Variants in FGGY observed in about 807,000 individuals in gnomAD.
The protein encoded by FGGY is FGGY carbohydrate kinase domain-containing protein.
A neutral mutation model predicts 71.3 loss-of-function variants in FGGY; 72 were observed. That is an observed-to-expected ratio of 1.01 (90% CI 0.84 to 1.23). FGGY has a LOEUF of 1.23. Among genes scored for constraint, FGGY ranks in the 50% most tolerant of loss-of-function variants. The pLI is 0.00. For synonymous variants in FGGY, 251 were observed against 250.3 expected, an observed-to-expected ratio of 1.00 and a Z score of -0.02; for missense variants, 668 against 682.3, an observed-to-expected ratio of 0.98 and a Z score of 0.23.
In FGGY at chr1:59,737,843, G is replaced by A. The variant is rs549396807; in HGVS notation, c.1513-20088G>A. 3.5e-4 allele frequency among the ~76,000 whole-genome samples: 53 copies of A among 152,312 alleles called. 2 individuals are homozygous for A. In the South Asian group the frequency reaches 0.01, roughly 30 times the overall value. On this transcript the variant is annotated intron_variant, in intron 14 of 15. Transcript: ENST00000303721. ...TTGAAATGTGAGGACATGTGATTTGGGAGGGGCCAGGGGCAGAATGATATG... is the reference window on the plus strand; with the variant it reads ...TTGAAATGTGAGGACATGTGATTTGAGAGGGGCCAGGGGCAGAATGATATG...
chr1:59,613,295 G>C (rs142408734), intron 9 of FGGY, among the ~76,000 whole-genome samples: 2 of 152,174 alleles, frequency 1.3e-5, no homozygotes, highest in African/African-American at 4.8e-5. Context: ...ATAACAAACT[G>C]TCTCTCAGAC....
intron 5 of FGGY, among the ~76,000 whole-genome samples, chr1:59,388,545 C>T (rs976693341): frequency 3.3e-5 from 5 of 152,206 alleles, no homozygotes; most frequent in East Asian, 3.9e-4. Context: ...CACCTTAATA[C>T]GTGCCTGCCT....
At chr1:59,657,856 A>C (rs1401769993) in intron 11 of FGGY, among the ~76,000 whole-genome samples, 2 of 152,204 alleles carry the variant, frequency 1.3e-5, no homozygotes, top group African/African-American at 4.8e-5. Context: ...AGGTGGCAAC[A>C]TGGAGCAAGT....
At chr1:59,725,079 T>C (rs1022397108) in intron 14 of FGGY, among the ~76,000 whole-genome samples, 1 of 152,214 alleles carries the variant, frequency 6.6e-6, no homozygotes, top group Non-Finnish European at 1.5e-5. Flanking sequence ...TCTAGATGTT[T>C]TATAGTTTTG....
chr1:59,668,101 C>G (rs2097341617), intron 13 of FGGY, among the ~76,000 whole-genome samples: 1 of 152,156 alleles, frequency 6.6e-6, no homozygotes. Flanking sequence ...CAGGGAATCA[C>G]AAATAATGGG....
chr1:59,698,721 C>A (rs969195242), intron 14 of FGGY: 3 of 981,866 alleles, frequency 3.1e-6, no homozygotes, highest in African/African-American at 1.7e-5. Flanking sequence ...CATTACCTTT[C>A]ACCAGAGTTG....
chr1:59,630,361 C>A (rs1440443542), intron 10 of FGGY, among the ~76,000 whole-genome samples: 1 of 152,020 alleles, frequency 6.6e-6, no homozygotes, highest in African/African-American at 2.4e-5. Flanking sequence ...TGGGTTCAAG[C>A]AGCATACGTC....
rs1003528879 is a variant in FGGY at position 59,725,181 on chromosome 1, T to C, written c.1513-32750T>C. 2.6e-5 allele frequency among the ~76,000 whole-genome samples: 4 copies of C among 152,260 alleles called. No individual in the cohort carries two copies. In the South Asian group the frequency reaches 6.2e-4, roughly 24 times the overall value. ...AAATTCATTGTTTTGCATGTGGACA[T>C]ACAATATTTCAAACATGACTTGTTG... is the stretch of plus-strand genomic sequence containing the variant. On this transcript the variant is annotated intron_variant, in intron 14 of 15. Transcript: ENST00000303721.
chr1:59,554,604 G>A (rs1349048446), intron 8 of FGGY, among the ~76,000 whole-genome samples: 2 of 152,092 alleles, frequency 1.3e-5, no homozygotes, highest in African/African-American at 2.4e-5. Context: ...TCCTTGGCCA[G>A]GGAACTCTCT....
At chr1:59,542,228 T>C (rs2095450733) in intron 7 of FGGY, among the ~76,000 whole-genome samples, 1 of 152,172 alleles carries the variant, frequency 6.6e-6, no homozygotes, top group Non-Finnish European at 1.5e-5. Context: ...TGTCGTTGGC[T>C]CCTCAGGAGA....
chr1:59,556,954 C>T (rs2095697013), intron 8 of FGGY, among the ~76,000 whole-genome samples: 1 of 152,148 alleles, frequency 6.6e-6, no homozygotes, highest in South Asian at 2.1e-4. Flanking sequence ...CACCCCCATC[C>T]TGCTTTGTAC....
chr1:59,363,163 G>A lies in FGGY; in HGVS notation c.466-15586G>A, dbSNP rs964237046. ...TGTATAATCTCACTGAATTGAATTC[G>A]GCTAACAATCCTATGAGTTAAATGT... On this transcript the variant is annotated intron_variant, in intron 4 of 15. Coordinates refer to ENST00000303721, the MANE Select transcript of FGGY (RefSeq NM_018291.5). Among the ~76,000 whole-genome samples, 7 of 152,092 alleles carry A rather than the reference G, an allele frequency of 4.6e-5. No homozygotes were observed. The East Asian group carries it at 7.7e-4, about 17-fold the overall frequency.
chr1:59,559,797 T>G (rs2095756105), intron 8 of FGGY, among the ~76,000 whole-genome samples: 1 of 152,142 alleles, frequency 6.6e-6, no homozygotes, highest in South Asian at 2.1e-4. Flanking sequence ...ATTTAAGCAG[T>G]AAAATGAAGT....
At chr1:59,732,737 C>T (rs910915674) in intron 14 of FGGY, among the ~76,000 whole-genome samples, 5 of 152,112 alleles carry the variant, frequency 3.3e-5, no homozygotes, top group African/African-American at 7.2e-5. Flanking sequence ...AGACCACTGT[C>T]GCCCCCACCT....
chr1:59,384,772 G>A (rs1454900823), intron 5 of FGGY, among the ~76,000 whole-genome samples: 12 of 151,976 alleles, frequency 7.9e-5, no homozygotes, highest in Admixed American at 7.9e-4. Flanking sequence ...AGTTCTCTGG[G>A]TAAAACCTCT....
chr1:59,732,949 T>C (rs1292847388), intron 14 of FGGY, among the ~76,000 whole-genome samples: 3 of 152,066 alleles, frequency 2.0e-5, no homozygotes, highest in African/African-American at 7.2e-5. Flanking sequence ...CCGTAATTGT[T>C]ACTGCTCAGT....
intron 4 of FGGY, among the ~76,000 whole-genome samples, chr1:59,370,809 C>T (rs533955433): frequency 5.2e-4 from 79 of 151,474 alleles, no homozygotes; most frequent in African/African-American, 1.8e-3. Context: ...CCAAATTAAG[C>T]TTCATAAGTG....
chr1:59,410,760 C>T (rs2063495875), intron 5 of FGGY, among the ~76,000 whole-genome samples: 1 of 151,978 alleles, frequency 6.6e-6, no homozygotes, highest in Non-Finnish European at 1.5e-5. Context: ...TGGTGACGTT[C>T]TTTTTGTTTT....
chr1:59,630,866 A>G (rs535010448), intron 10 of FGGY, among the ~76,000 whole-genome samples: 1 of 152,258 alleles, frequency 6.6e-6, no homozygotes, highest in East Asian at 1.9e-4. Flanking sequence ...ACTTCCAGCT[A>G]CTTTCCTGTA....
Sources: allele counts gnomAD v4.1 joint callset (sites outside exome capture counted in the v4.1 genomes callset), GRCh38; gene constraint gnomAD v4.1.1; transcripts MANE v1.5; gene names NCBI Gene and HGNC (gene_info 2026-07-23, HGNC 2026-07-21).